The following GRID2 variants were observed in gnomAD, a reference collection of about 807,000 sequenced individuals.
GRID2 encodes the protein glutamate receptor ionotropic, delta-2.
In GRID2, 33 loss-of-function variants were observed where a neutral mutation model predicts 114.8. The ratio of observed to expected loss-of-function variants is 0.29; its 90% CI spans 0.22 to 0.38. The LOEUF (loss-of-function observed/expected upper bound fraction) is 0.38, where lower values mean the gene tolerates loss of function less well. GRID2 is among the 10% of genes least tolerant of loss of function. The pLI, the probability that GRID2 is intolerant of heterozygous loss-of-function variation, is 1.00. For missense variants in GRID2, 1,184 were observed against 1,257.7 expected (o/e 0.94, Z 0.89); for synonymous variants, 505 against 449.9 (o/e 1.12, Z -1.55).
chr4:93,732,615 G>A (rs903388192), intron 14 of GRID2, among the ~76,000 whole-genome samples: 5 of 151,872 alleles, frequency 3.3e-5, no homozygotes, highest in Admixed American at 6.6e-5. Flanking sequence ...CTCTTTGTGT[G>A]GTTAAAATGG....
intron 1 of GRID2, among the ~76,000 whole-genome samples, chr4:93,792,317 G>T (rs1734710639): frequency 6.6e-6 from 1 of 152,044 alleles, no homozygotes; most frequent in South Asian, 2.1e-4. Flanking sequence ...TATGAGGCTA[G>T]TTTGGCAACA....
intron 2 of GRID2, among the ~76,000 whole-genome samples, chr4:92,830,050 A>C (rs926329663): frequency 3.3e-5 from 5 of 151,938 alleles, no homozygotes; most frequent in Non-Finnish European, 5.9e-5. Flanking sequence ...ATACCTATGC[A>C]ACAAATCTGA....
At chr4:92,642,781 A>G (rs1731421734) in intron 2 of GRID2, among the ~76,000 whole-genome samples, 1 of 151,724 alleles carries the variant, frequency 6.6e-6, no homozygotes, top group Admixed American at 6.6e-5. Flanking sequence ...AGGGTTTTTT[A>G]TAGTGTGAGG....
At chr4:93,688,815 A>G (rs930844615) in intron 14 of GRID2, among the ~76,000 whole-genome samples, 1 of 152,092 alleles carries the variant, frequency 6.6e-6, no homozygotes, top group African/African-American at 2.4e-5. Context: ...TAACTCACTC[A>G]TGATCTTATA....
At chr4:93,581,399 T>C (rs1466216517) in intron 13 of GRID2, among the ~76,000 whole-genome samples, 1 of 152,160 alleles carries the variant, frequency 6.6e-6, no homozygotes, top group African/African-American at 2.4e-5. Flanking sequence ...GGCCTCCATG[T>C]TCATCAATTA....
At chr4:93,737,290 G>A (rs966728350) in intron 14 of GRID2, among the ~76,000 whole-genome samples, 32 of 152,116 alleles carry the variant, frequency 2.1e-4, no homozygotes, top group African/African-American at 6.7e-4. Context: ...CAAAGATTTC[G>A]TGAAATTGAA....
chr4:92,354,883 C>T (rs1204482863), intron 1 of GRID2, among the ~76,000 whole-genome samples: 1 of 151,892 alleles, frequency 6.6e-6, no homozygotes, highest in African/African-American at 2.4e-5. Flanking sequence ...TCTGAACTTA[C>T]CACCTCCCAC....
chr4:93,005,477 C>T (rs1721418046), intron 2 of GRID2, among the ~76,000 whole-genome samples: 1 of 152,040 alleles, frequency 6.6e-6, no homozygotes, highest in Admixed American at 6.6e-5. Context: ...CTTTCAGCAG[C>T]AGCAAGCATG....
chr4:93,210,215 G>A (rs1319306189), intron 5 of GRID2, among the ~76,000 whole-genome samples: 2 of 151,804 alleles, frequency 1.3e-5, no homozygotes, highest in Admixed American at 6.6e-5. Context: ...TTATAGTTAT[G>A]GGTTTTACAT....
intron 13 of GRID2, among the ~76,000 whole-genome samples, chr4:93,516,195 T>C (rs1256989697): frequency 6.6e-6 from 1 of 152,134 alleles, no homozygotes; most frequent in Non-Finnish European, 1.5e-5. Flanking sequence ...GTATACACTT[T>C]TTCTCTCTGA....
intron 2 of GRID2, among the ~76,000 whole-genome samples, chr4:92,819,258 G>T (rs1369169): frequency 0.59 from 89,500 of 151,864 alleles, 27,487 homozygotes; most frequent in Middle Eastern, 0.76. Context: ...TTAAAACTTA[G>T]GCTCAGACAT....
chr4:92,764,364 A>G (rs1249700031), intron 2 of GRID2, among the ~76,000 whole-genome samples: 1 of 152,104 alleles, frequency 6.6e-6, no homozygotes, highest in East Asian at 1.9e-4. Context: ...AAATTGAGGA[A>G]CTCTATTTAA....
At chr4:93,552,630 G>C (rs1733875061) in intron 13 of GRID2, among the ~76,000 whole-genome samples, 2 of 152,112 alleles carry the variant, frequency 1.3e-5, no homozygotes, top group Admixed American at 1.3e-4. Flanking sequence ...CTGATGGCCA[G>C]TGATGATGAG....
intron 2 of GRID2, among the ~76,000 whole-genome samples, chr4:93,075,630 T>G (rs1251368794): frequency 6.6e-6 from 1 of 152,152 alleles, no homozygotes; most frequent in Non-Finnish European, 1.5e-5. Flanking sequence ...GATATGAGAT[T>G]AATACACAAA....
intron 8 of GRID2, among the ~76,000 whole-genome samples, chr4:93,316,393 G>GGAAA (rs1756667058): frequency 7.1e-6 from 1 of 140,744 alleles, no homozygotes; most frequent in Non-Finnish European, 1.6e-5. Flanking sequence ...GAATAGAAAA[G>GGAAA]GAAGGAAGGA....
At chr4:93,737,526 A>G (rs530719524) in intron 14 of GRID2, among the ~76,000 whole-genome samples, 1 of 152,190 alleles carries the variant, frequency 6.6e-6, no homozygotes, top group East Asian at 1.9e-4. Context: ...GGAGTTCCAG[A>G]CAAGCATAGA....
At chr4:93,785,503 C>T (rs1315969916) in intron 1 of GRID2, among the ~76,000 whole-genome samples, 2 of 151,832 alleles carry the variant, frequency 1.3e-5, no homozygotes, top group Non-Finnish European at 2.9e-5. Flanking sequence ...CCAGAGGGCA[C>T]GATTTGTTCC....
rs554630166 is a variant in GRID2, at chr4:92,938,495, G to T, written c.245-146500G>T. On this transcript the variant is annotated intron_variant, in intron 2 of 15. Coordinates refer to ENST00000282020, the MANE Select transcript of GRID2 (RefSeq NM_001510.4). ...TTCTAAATCTCTTTAAATTGAGATG[G>T]TTAAAGTACAGTATAGTAACAACCC... 1.4e-4 allele frequency among the ~76,000 whole-genome samples: 21 copies of T among 146,520 alleles called. 3 individuals carry two copies. Among genetic ancestry groups the T allele is most frequent in the Non-Finnish European group, 2.4e-4 (16 of 66,288 alleles).
chr4:93,628,174 C>T (rs150956984), intron 14 of GRID2, among the ~76,000 whole-genome samples: 31 of 152,104 alleles, frequency 2.0e-4, no homozygotes, highest in Non-Finnish European at 4.1e-4. Context: ...AAATAATAAT[C>T]AATCAAAATA....
Sources: gnomAD v4.1 joint callset for allele counts (sites outside exome capture counted in the v4.1 genomes callset) on GRCh38, gnomAD v4.1.1 for gene constraint, MANE v1.5 for transcripts, NCBI Gene and HGNC (gene_info 2026-07-23, HGNC 2026-07-21) for gene names.